KCNMA1: variants seen among roughly 807,000 people sequenced by gnomAD.
KCNMA1 encodes Calcium-activated potassium channel subunit alpha-1.
KCNMA1 carries 29 observed loss-of-function variants against 140.0 expected under a neutral mutation model. The observed-to-expected ratio is 0.21, with a 90% CI of 0.15 to 0.28. The LOEUF (loss-of-function observed/expected upper bound fraction) is 0.28, where lower values mean the gene tolerates loss of function less well. KCNMA1 is among the 10% of genes least tolerant of loss of function. KCNMA1 has a pLI of 1.00. For synonymous variants in KCNMA1, 612 were observed against 611.9 expected (o/e 1.00, Z 0.00); for missense variants, 880 against 1,602.2 (o/e 0.55, Z 7.70).
intron 2 of KCNMA1, among the ~76,000 whole-genome samples, chr10:77,289,796 C>T (rs2072520117): frequency 6.6e-6 from 1 of 152,134 alleles, no homozygotes; most frequent in African/African-American, 2.4e-5. Context: ...AGATGGCCTA[C>T]TATGCTTATC....
intron 20 of KCNMA1, among the ~76,000 whole-genome samples, chr10:76,966,664 T>A (rs1190282832): frequency 2.0e-5 from 3 of 152,096 alleles, no homozygotes; most frequent in African/African-American, 4.8e-5. Context: ...GGGTGCTTGG[T>A]AATTTTAGAG....
At chr10:77,323,052 C>T (rs899624190) in intron 2 of KCNMA1, among the ~76,000 whole-genome samples, 3 of 152,220 alleles carry the variant, frequency 2.0e-5, no homozygotes, top group Non-Finnish European at 4.4e-5. Flanking sequence ...AACCTCACAG[C>T]TGTTCCTCAT....
At chr10:77,515,350 C>T (rs1603631697) in intron 1 of KCNMA1, among the ~76,000 whole-genome samples, 1 of 151,912 alleles carries the variant, frequency 6.6e-6, no homozygotes, top group East Asian at 1.9e-4. Flanking sequence ...CCAAAATCTC[C>T]TTTGTAAATA....
intron 16 of KCNMA1, chr10:77,023,026 A>G: frequency 2.3e-6 from 1 of 441,466 alleles, no homozygotes; most frequent in Non-Finnish European, 4.6e-6. Flanking sequence ...ATCTACGTGC[A>G]ATTGGCTAGC....
chr10:77,446,233 A>G (rs1381501455), intron 1 of KCNMA1, among the ~76,000 whole-genome samples: 1 of 152,222 alleles, frequency 6.6e-6, no homozygotes, highest in African/African-American at 2.4e-5. Context: ...GTGAAACTAA[A>G]CAGAGTCACT....
At chr10:77,082,043 A>C (rs2096591328) in intron 12 of KCNMA1, among the ~76,000 whole-genome samples, 2 of 48,170 alleles carry the variant, frequency 4.2e-5, no homozygotes, top group African/African-American at 8.6e-5. Flanking sequence ...TTTTTTTTTT[A>C]AGACGGAGCC....
At chr10:77,448,196 G>A (rs996085757) in intron 1 of KCNMA1, among the ~76,000 whole-genome samples, 2 of 152,168 alleles carry the variant, frequency 1.3e-5, no homozygotes, top group African/African-American at 4.8e-5. Context: ...TTGAAGCTCG[G>A]TGGGGCAGCT....
intron 1 of KCNMA1, among the ~76,000 whole-genome samples, chr10:77,480,278 C>G (rs1401536707): frequency 6.6e-6 from 1 of 152,232 alleles, no homozygotes; most frequent in Non-Finnish European, 1.5e-5. Context: ...GCTGGCCCTG[C>G]CCGCCTCCCA....
intron 3 of KCNMA1, among the ~76,000 whole-genome samples, chr10:77,195,079 T>C (rs1220402978): frequency 2.0e-5 from 3 of 152,180 alleles, no homozygotes; most frequent in Non-Finnish European, 2.9e-5. Context: ...TTGAGGATTT[T>C]TTTTAAGAAC....
intron 2 of KCNMA1, among the ~76,000 whole-genome samples, chr10:77,392,303 C>G (rs1408541205): frequency 1.0e-4 from 13 of 126,294 alleles, no homozygotes; most frequent in Middle Eastern, 4.2e-3. Context: ...GTAAGGGAGG[C>G]AAGGGAGGGA....
At chr10:77,434,584 T>C (rs2097217569) in intron 1 of KCNMA1, among the ~76,000 whole-genome samples, 1 of 152,196 alleles carries the variant, frequency 6.6e-6, no homozygotes, top group African/African-American at 2.4e-5. Flanking sequence ...ACATGGCATC[T>C]CTCACGACAG....
At chr10:77,476,263 G>A (rs972084533) in intron 1 of KCNMA1, among the ~76,000 whole-genome samples, 4 of 152,150 alleles carry the variant, frequency 2.6e-5, no homozygotes, top group African/African-American at 7.2e-5. Context: ...ATCCGCAAAG[G>A]GGACACATTA....
In KCNMA1 at chr10:77,185,733, T is replaced by C. The variant is rs1454651516; in HGVS notation, c.603-817A>G. On this transcript the variant is annotated intron_variant, in intron 3 of 27. Transcript: ENST00000286628. Reference sequence around the variant, plus strand: ...ACTATACAAACTGGTACAAGACTTCTGTGTGCTTTCCTGTGTCAAACTGAT... The same window carrying C: ...ACTATACAAACTGGTACAAGACTTCCGTGTGCTTTCCTGTGTCAAACTGAT... Among the ~76,000 whole-genome samples the C allele has an allele frequency of 4.6e-5, 7 of 152,068 alleles. No homozygotes were observed. The East Asian group carries it at 1.2e-3, about 25-fold the overall frequency.
chr10:77,232,130 G>A (rs886762291), intron 3 of KCNMA1, among the ~76,000 whole-genome samples: 1 of 152,136 alleles, frequency 6.6e-6, no homozygotes, highest in African/African-American at 2.4e-5. Context: ...CCTTTTTATA[G>A]CCAAATGGTA....
intron 20 of KCNMA1, among the ~76,000 whole-genome samples, chr10:76,958,114 C>T (rs188376464): frequency 1.8e-4 from 28 of 152,236 alleles, no homozygotes; most frequent in African/African-American, 6.7e-4. Context: ...CTGCTGTGAT[C>T]CAGGGAGACC....
intron 2 of KCNMA1, among the ~76,000 whole-genome samples, chr10:77,365,001 A>G (rs2094252581): frequency 6.6e-6 from 1 of 152,202 alleles, no homozygotes; most frequent in Non-Finnish European, 1.5e-5. Context: ...TCGGGGAAAA[A>G]TTAGGAAACA....
chr10:76,896,008 G>A (rs528091173), intron 25 of KCNMA1, among the ~76,000 whole-genome samples: 1 of 152,332 alleles, frequency 6.6e-6, no homozygotes, highest in African/African-American at 2.4e-5. Flanking sequence ...GAACTTCCAT[G>A]TCCTGCTGTG....
chr10:77,110,659 G>T (rs1036900565), intron 7 of KCNMA1, among the ~76,000 whole-genome samples: 1 of 152,180 alleles, frequency 6.6e-6, no homozygotes, highest in South Asian at 2.1e-4. Context: ...AAAATTCAGG[G>T]CATTGCCTCT....
intron 2 of KCNMA1, among the ~76,000 whole-genome samples, chr10:77,310,743 C>T (rs143914279): frequency 2.0e-3 from 299 of 152,224 alleles, no homozygotes; most frequent in Middle Eastern, 0.01. Context: ...ATGAAATCAC[C>T]CTCTTCTGCG....
Sources: allele counts gnomAD v4.1 joint callset (sites outside exome capture counted in the v4.1 genomes callset), GRCh38; gene constraint gnomAD v4.1.1; transcripts MANE v1.5; gene names NCBI Gene and HGNC (gene_info 2026-07-23, HGNC 2026-07-21).